The following GRIK4 variants were observed in gnomAD, a reference collection of about 807,000 sequenced individuals.
The protein encoded by GRIK4 is glutamate ionotropic receptor kainate type subunit 4.
In GRIK4, 40 loss-of-function variants were observed where a neutral mutation model predicts 104.9. That is an observed-to-expected ratio of 0.38 (90% confidence interval 0.30 to 0.50). The LOEUF is 0.50. Ranked by LOEUF, GRIK4 falls within the 20% of genes least tolerant of loss-of-function variation. The pLI is 0.93. For missense variants in GRIK4, 1,047 were observed against 1,308.1 expected, an observed-to-expected ratio of 0.80 and a Z score of 3.08; for synonymous variants, 485 against 524.9, an observed-to-expected ratio of 0.92 and a Z score of 1.04.
At chr11:120,890,116 C>T (rs746277003) in intron 11 of GRIK4, among the ~76,000 whole-genome samples, 3 of 152,066 alleles carry the variant, frequency 2.0e-5, no homozygotes, top group South Asian at 2.1e-4. Flanking sequence ...ACAATGGTAC[C>T]GTTAAATGGT....
intron 1 of GRIK4, among the ~76,000 whole-genome samples, chr11:120,565,940 T>A (rs1233341812): frequency 6.6e-6 from 1 of 152,176 alleles, no homozygotes; most frequent in Non-Finnish European, 1.5e-5. Flanking sequence ...GCTTGGGGTG[T>A]GACTTTGGTA....
intron 3 of GRIK4, among the ~76,000 whole-genome samples, chr11:120,723,792 G>GTT (rs35695505): frequency 4.7e-4 from 71 of 150,360 alleles, no homozygotes; most frequent in South Asian, 4.2e-4. Flanking sequence ...GGTAGCACCT[G>GTT]TTTTTTTTTT....
intron 9 of GRIK4, 29 bp downstream of exon 9, chr11:120,862,149 GC>G: frequency 6.2e-7 from 1 of 1,600,436 alleles, no homozygotes; most frequent in African/African-American, 1.3e-5. Flanking sequence ...TCTTCCTGGT[GC>G]CCCTTGGCCT....
intron 3 of GRIK4, among the ~76,000 whole-genome samples, chr11:120,784,518 G>A (rs1473014029): frequency 2.0e-5 from 3 of 152,120 alleles, no homozygotes; most frequent in Admixed American, 6.5e-5. Flanking sequence ...AGGCCACAGG[G>A]TCCTGTGTTG....
intron 5 of GRIK4, among the ~76,000 whole-genome samples, chr11:120,817,527 A>T (rs1187433499): frequency 6.6e-6 from 1 of 152,170 alleles, no homozygotes; most frequent in Non-Finnish European, 1.5e-5. Context: ...CCAGGAGTCC[A>T]TTGCTTTAAA....
At chr11:120,700,557 C>G (rs1357321493) in intron 3 of GRIK4, among the ~76,000 whole-genome samples, 1 of 152,184 alleles carries the variant, frequency 6.6e-6, no homozygotes, top group Non-Finnish European at 1.5e-5. Context: ...CTCCTGAGTT[C>G]AAGCAATTCT....
intron 1 of GRIK4, among the ~76,000 whole-genome samples, chr11:120,546,758 C>T (rs1277469814): frequency 2.6e-5 from 4 of 152,156 alleles, no homozygotes; most frequent in South Asian, 2.1e-4. Flanking sequence ...ACACATGCTC[C>T]GCCCACCTCC....
intron 1 of GRIK4, among the ~76,000 whole-genome samples, chr11:120,550,519 C>T (rs1180092908): frequency 2.0e-5 from 3 of 151,756 alleles, no homozygotes; most frequent in Non-Finnish European, 2.9e-5. Flanking sequence ...AAGGAAGAGG[C>T]AATGTAGGAG....
At chr11:120,926,523 C>T (rs1250553067) in intron 13 of GRIK4, among the ~76,000 whole-genome samples, 1 of 152,144 alleles carries the variant, frequency 6.6e-6, no homozygotes, top group African/African-American at 2.4e-5. Flanking sequence ...AACTGAGGTA[C>T]AAAGAGGTTA....
chr11:120,766,033 C>T (rs941007938), intron 3 of GRIK4, among the ~76,000 whole-genome samples: 4 of 152,236 alleles, frequency 2.6e-5, no homozygotes, highest in African/African-American at 9.6e-5. Context: ...ATGTTTAAGT[C>T]TGCTGAAGTT....
At chr11:120,516,204 G>T (rs1192118313) in intron 1 of GRIK4, among the ~76,000 whole-genome samples, 4 of 152,224 alleles carry the variant, frequency 2.6e-5, no homozygotes, top group African/African-American at 4.8e-5. Flanking sequence ...CTCCCACAGG[G>T]TGATAGTTTG....
intron 20 of GRIK4, among the ~76,000 whole-genome samples, chr11:120,985,192 G>T (rs1168008157): frequency 6.6e-6 from 1 of 152,150 alleles, no homozygotes; most frequent in Non-Finnish European, 1.5e-5. Context: ...CAAGTTCCTT[G>T]TAAGTTTGAT....
Position 120,758,731 on chromosome 11 carries a change from G to A in GRIK4, c.83-43962G>A, listed in dbSNP as rs149934735. Among the ~76,000 whole-genome samples, 112 of 152,236 alleles carry A rather than the reference G, an allele frequency of 7.4e-4. 1 individual carries two copies. The highest frequency in any genetic ancestry group is 2.4e-3 in the African/African-American group (98 of 41,540). On this transcript the variant is annotated intron_variant, in intron 3 of 20. Transcript: ENST00000527524. ...AACATTACAGAAGACAAAGGGAGAG[G>A]GCAGCTAAAAATAATCACCAGCTGT...
At position 120,964,785 on chromosome 11, in the gene GRIK4, G is replaced by A. The variant is rs141597844; in HGVS notation, c.2266+2104G>A. Among the ~76,000 whole-genome samples the A allele has an allele frequency of 1.7e-3, 263 of 152,314 alleles. 1 individual carries two copies. The highest frequency in any genetic ancestry group is 6.2e-3 in the African/African-American group (257 of 41,570). On this transcript the variant is annotated intron_variant, in intron 18 of 20. Transcript: ENST00000527524. ...TAATAGTCCCCCCTGCAAGATAGAT[G>A]TGGTTATTCCCATCCTATAGAGGAC...
chr11:120,975,475 T>C (rs12291272), intron 19 of GRIK4, among the ~76,000 whole-genome samples: 1 of 152,150 alleles, frequency 6.6e-6, no homozygotes, highest in Non-Finnish European at 1.5e-5. Flanking sequence ...CCAGAAACCA[T>C]GATCAGAACA....
At chr11:120,929,324 A>G (rs1943430460) in intron 13 of GRIK4, among the ~76,000 whole-genome samples, 1 of 152,090 alleles carries the variant, frequency 6.6e-6, no homozygotes, top group Non-Finnish European at 1.5e-5. Flanking sequence ...AGTCTAAGGG[A>G]TGAGCCCTGC....
intron 6 of GRIK4, among the ~76,000 whole-genome samples, chr11:120,824,605 A>C (rs1591960569): frequency 1.6e-5 from 2 of 128,756 alleles, no homozygotes; most frequent in East Asian, 2.2e-4. Context: ...GCTGGAGTGC[A>C]GTGGCGCAAT....
intron 1 of GRIK4, among the ~76,000 whole-genome samples, chr11:120,528,067 G>A (rs893825461): frequency 1.3e-5 from 2 of 152,208 alleles, no homozygotes; most frequent in South Asian, 2.1e-4. Context: ...GGGCTCAGCC[G>A]GTCCTCCCAC....
At chr11:120,969,356 A>G (rs1338804643) in intron 19 of GRIK4, among the ~76,000 whole-genome samples, 1 of 152,148 alleles carries the variant, frequency 6.6e-6, no homozygotes, top group South Asian at 2.1e-4. Flanking sequence ...CAGGACCTGA[A>G]TAGGTCGACA....
Sources: gnomAD v4.1 joint callset for allele counts (sites outside exome capture counted in the v4.1 genomes callset) on GRCh38, gnomAD v4.1.1 for gene constraint, MANE v1.5 for transcripts, NCBI Gene and HGNC (gene_info 2026-07-23, HGNC 2026-07-21) for gene names.